The following MED4 variants were observed in gnomAD, a reference collection of about 807,000 sequenced individuals.
MED4 encodes the protein mediator of RNA polymerase II transcription subunit 4.
MED4 carries 21 observed loss-of-function variants against 35.0 expected under a neutral mutation model. The observed-to-expected ratio is 0.60, with a 90% CI of 0.43 to 0.86. The LOEUF is 0.86. MED4 is among the 40% of genes least tolerant of loss of function. MED4 has a pLI of 0.00. For synonymous variants in MED4, 138 were observed against 114.0 expected (o/e 1.21, Z -1.34); for missense variants, 300 against 319.4 (o/e 0.94, Z 0.46).
At chr13:48,084,674 C>T (rs969010735) in intron 3 of MED4, among the ~76,000 whole-genome samples, 1 of 152,066 alleles carries the variant, frequency 6.6e-6, no homozygotes, top group Non-Finnish European at 1.5e-5. Flanking sequence ...AATTAATACA[C>T]CTGAGACTCA....
At chr13:48,090,471 C>T in intron 1 of MED4, 53 bp from the exon 2 acceptor site, 1 of 1,374,334 alleles carries the variant, frequency 7.3e-7, no homozygotes, top group Non-Finnish European at 1.0e-6. Context: ...ATACTGAACA[C>T]TCAGGGCTAC....
chr13:48,089,375 T>C (rs1480609785), intron 2 of MED4, among the ~76,000 whole-genome samples: 6 of 152,196 alleles, frequency 3.9e-5, no homozygotes, highest in African/African-American at 1.4e-4. Context: ...GATTTATTAC[T>C]GTCTCCTCTT....
At position 48,077,317 on chromosome 13, in the gene MED4, G is replaced by A. The variant is rs1412245930; in HGVS notation, c.641-6C>T. 2.1e-6 allele frequency: 3 copies of A among 1,457,768 alleles called. No homozygotes were observed. The highest frequency in any genetic ancestry group is 3.0e-5 in the African/African-American group (2 of 67,736). The allele number at this position is 1,457,768 out of a possible 1,614,324, so 90.3% of individuals were successfully genotyped here. A position where few individuals can be genotyped will look rare whatever the true frequency, so the allele number is the denominator to read the frequency against. On this transcript the variant is annotated splice_region_variant and splice_polypyrimidine_tract_variant and intron_variant, in intron 6 of 6. Coordinates refer to ENST00000258648, the MANE Select transcript of MED4 (RefSeq NM_014166.4). ...ATACTGTGGAGCAAGGACATCTGGA[G>A]AAAAAAAGAAGCATAGATAAGAACA...
At chr13:48,089,619 G>C (rs1221818723) in intron 2 of MED4, among the ~76,000 whole-genome samples, 2 of 152,072 alleles carry the variant, frequency 1.3e-5, no homozygotes, top group Non-Finnish European at 2.9e-5. Context: ...AGGCATTATA[G>C]CGCATGCCTA....
intron 4 of MED4, 118 bp from the exon 5 acceptor site, chr13:48,081,849 TCA>T: frequency 1.9e-6 from 1 of 539,604 alleles, no homozygotes; most frequent in Non-Finnish European, 3.0e-6. Flanking sequence ...TAAAATAATC[TCA>T]GTCACCTGCC....
At chr13:48,093,670 G>A (rs1246524644) in intron 1 of MED4, 4 of 443,510 alleles carry the variant, frequency 9.0e-6, no homozygotes, top group South Asian at 1.7e-5. Context: ...TTATAGGCGT[G>A]AGCCACCACA....
intron 4 of MED4, 64 bp downstream of exon 4, chr13:48,083,307 G>T (rs1950823655): frequency 7.9e-7 from 1 of 1,269,682 alleles, no homozygotes; most frequent in Non-Finnish European, 1.1e-6. Context: ...ATATCCTCTT[G>T]TATTGGTTTC....
chr13:48,093,254 T>A (rs1421567291), intron 1 of MED4, among the ~76,000 whole-genome samples: 2 of 152,106 alleles, frequency 1.3e-5, no homozygotes, highest in African/African-American at 4.8e-5. Context: ...AGTTTTGAGT[T>A]ACAAATGGGT....
rs763368283 is a variant in MED4, at chr13:48,079,837, A to C, written c.640+7T>G. ...CTGTTTGAAAACACTCTTCGGCTTA[A>C]CATTACCTGGCAATCTTCCTGCTGC... On this transcript the variant is annotated splice_region_variant and intron_variant, in intron 6 of 6. Transcript: ENST00000258648. 1 of 1,613,296 alleles carries C rather than the reference A, an allele frequency of 6.2e-7. No homozygotes were observed. The highest frequency in any genetic ancestry group is 2.2e-5 in the East Asian group (1 of 44,844).
At chr13:48,087,082 T>C (rs762093220) in intron 2 of MED4, among the ~76,000 whole-genome samples, 10 of 150,890 alleles carry the variant, frequency 6.6e-5, no homozygotes, top group Non-Finnish European at 1.5e-4. Context: ...AAATACAATA[T>C]AGGCCAGGCG....
At chr13:48,087,459 A>G (rs2137837018) in intron 2 of MED4, among the ~76,000 whole-genome samples, 1 of 152,286 alleles carries the variant, frequency 6.6e-6, no homozygotes, top group Non-Finnish European at 1.5e-5. Context: ...GAAAACTTTT[A>G]CACTTACACA....
At chr13:48,082,868 T>C (rs1485236557) in intron 4 of MED4, among the ~76,000 whole-genome samples, 7 of 152,100 alleles carry the variant, frequency 4.6e-5, no homozygotes, top group Non-Finnish European at 8.8e-5. Flanking sequence ...ACAGAAGCCT[T>C]TGAAAAAGGG....
chr13:48,095,070 C>G lies in MED4; in HGVS notation c.9G>C (p.Ala3=), dbSNP rs776021080. 4 of 1,603,902 alleles carry G rather than the reference C, an allele frequency of 2.5e-6. No homozygotes were observed. Among genetic ancestry groups the G allele is most frequent in the South Asian group, 2.2e-5 (2 of 91,090 alleles). Reference sequence around the variant, plus strand: ...CCTTCTCCTTCTCACCACTCGAAGACGCAGCCATTTTCCCCAGAGTCCCGC... The same window carrying G: ...CCTTCTCCTTCTCACCACTCGAAGAGGCAGCCATTTTCCCCAGAGTCCCGC... The part of the protein sequence containing the change: MA[A]SSSGEKEKER... Residue 3 remains alanine (A), a synonymous_variant, in exon 1 of 7, where the codon GCG becomes GCC. Transcript: ENST00000258648.
chr13:48,086,589 G>A, intron 2 of MED4, 137 bp from the exon 3 acceptor site: 1 of 677,390 alleles, frequency 1.5e-6, no homozygotes. Context: ...TTCTTGTTAA[G>A]AATAAAAAGA....
At chr13:48,086,491 C>A (rs201786526) in intron 2 of MED4, 39 bp from the exon 3 acceptor site, 2 of 1,561,826 alleles carry the variant, frequency 1.3e-6, no homozygotes. Context: ...CAATAGACTA[C>A]TGAAAGGCTG....
chr13:48,085,943 G>A (rs76240677), intron 3 of MED4, among the ~76,000 whole-genome samples: 2,972 of 143,076 alleles, frequency 0.021, 53 homozygotes, highest in Middle Eastern at 0.044. Context: ...AAGGATCAGA[G>A]ACCAAAAAAA....
intron 5 of MED4, among the ~76,000 whole-genome samples, chr13:48,080,539 TA>T (rs963465714): frequency 6.6e-5 from 10 of 150,914 alleles, no homozygotes; most frequent in South Asian, 4.2e-4. Flanking sequence ...TTCTACACTT[TA>T]AAAAAAAAGA....
At position 48,076,715 on chromosome 13, in the gene MED4, A is replaced by G. The variant is rs537414281; in HGVS notation, c.*424T>C. ...TTTTGTTACTTTTAAATGACACACAAAAAGAAATATGATGCCTATTCAGTC... is the reference window on the plus strand; with the variant it reads ...TTTTGTTACTTTTAAATGACACACAGAAAGAAATATGATGCCTATTCAGTC... On this transcript the variant is annotated 3_prime_UTR_variant, in exon 7 of 7. Coordinates refer to ENST00000258648, the MANE Select transcript of MED4 (RefSeq NM_014166.4). 6.5e-6 allele frequency: 1 copy of G among 153,164 alleles called. No homozygotes were observed. Among genetic ancestry groups the G allele is most frequent in the South Asian group, 2.1e-4 (1 of 4,852 alleles). The allele number at this position is 153,164 out of a possible 1,614,324, so 9.5% of individuals were successfully genotyped here. A position where few individuals can be genotyped will look rare whatever the true frequency, so the allele number is the denominator to read the frequency against.
At chr13:48,094,424 G>A (rs1437068702) in intron 1 of MED4, among the ~76,000 whole-genome samples, 1 of 152,130 alleles carries the variant, frequency 6.6e-6, no homozygotes, top group African/African-American at 2.4e-5. Context: ...ACCAAGCCAG[G>A]CTTTTTGCAC....
Sources: gnomAD v4.1 joint callset for allele counts (sites outside exome capture counted in the v4.1 genomes callset) on GRCh38, gnomAD v4.1.1 for gene constraint, MANE v1.5 for transcripts, NCBI Gene and HGNC (gene_info 2026-07-23, HGNC 2026-07-21) for gene names.